The following APBB1IP variants were observed in gnomAD, a reference collection of about 807,000 sequenced individuals.
APBB1IP encodes the protein amyloid beta precursor protein binding family B member 1 interacting protein.
In APBB1IP, 27 loss-of-function variants were observed where a neutral mutation model predicts 64.9. That is an observed-to-expected ratio of 0.42 (90% confidence interval 0.31 to 0.57). APBB1IP has a LOEUF of 0.57. Among genes scored for constraint, APBB1IP ranks in the 20% least tolerant of loss-of-function variants. APBB1IP has a pLI of 0.20. For synonymous variants in APBB1IP, 392 were observed against 331.0 expected, an observed-to-expected ratio of 1.18 and a Z score of -2.00; for missense variants, 812 against 845.5, an observed-to-expected ratio of 0.96 and a Z score of 0.49.
At chr10:26,528,510 C>T (rs903273936) in intron 8 of APBB1IP, among the ~76,000 whole-genome samples, 6 of 152,204 alleles carry the variant, frequency 3.9e-5, no homozygotes, top group Admixed American at 1.3e-4. Flanking sequence ...TCCTGAAAAT[C>T]TCTAGACTGT....
At chr10:26,496,267 T>A in intron 3 of APBB1IP, 37 bp from the exon 4 acceptor site, 1 of 1,480,910 alleles carries the variant, frequency 6.8e-7, no homozygotes. Context: ...AATGTTTGTA[T>A]CATGAATAAC....
In APBB1IP at chr10:26,567,133, C is replaced by T; in HGVS notation, c.1646C>T (p.Pro549Leu). ...ACAGGCGGCGGGGGCTTGCCCGCCC[C>T]ACCCGACGACTTCCTGCCGCCGCCG... ...KGTGGGGLPA[P>L]PDDFLPPPPP... Residue 549 changes from proline (P) to leucine (L), a missense_variant, in exon 15 of 15, where the codon CCA becomes CTA. Around this residue, in one of 3 missense-constraint regions of APBB1IP, gnomAD observed 381 missense variants for 352.1 expected, o/e 1.08. Coordinates refer to ENST00000376236, the MANE Select transcript of APBB1IP (RefSeq NM_019043.4). 1.4e-6 allele frequency: 2 copies of T among 1,419,808 alleles called. No homozygotes were observed. Among genetic ancestry groups the T allele is most frequent in the South Asian group, 1.4e-5 (1 of 69,202 alleles). 88.0% of individuals were successfully genotyped at this position (1,419,808 alleles called of 1,614,324 possible).
At chr10:26,522,150 C>A (rs1427520018) in intron 8 of APBB1IP, among the ~76,000 whole-genome samples, 1 of 152,156 alleles carries the variant, frequency 6.6e-6, no homozygotes, top group African/African-American at 2.4e-5. Context: ...AGTTCCATGA[C>A]AATTTGATTC....
chr10:26,452,266 A>C (rs1835473820), intron 2 of APBB1IP, among the ~76,000 whole-genome samples: 1 of 152,234 alleles, frequency 6.6e-6, no homozygotes, highest in Non-Finnish European at 1.5e-5. Context: ...CGAGGAAACT[A>C]AGCTGAGAGA....
In APBB1IP at chr10:26,543,501, G is replaced by A. The variant is rs74517332; in HGVS notation, c.1155+1809G>A. Among the ~76,000 whole-genome samples, 581 of 149,292 alleles carry A rather than the reference G, an allele frequency of 3.9e-3. 5 individuals carry two copies. Among genetic ancestry groups the A allele is most frequent in the African/African-American group, 0.014 (555 of 40,944 alleles). ...AAAAGAAAAGAAAAAGAAAAAAAAT[G>A]TGTTGAATGACAACTATTGTTGAGT... On this transcript the variant is annotated intron_variant, in intron 11 of 14. Coordinates refer to ENST00000376236, the MANE Select transcript of APBB1IP (RefSeq NM_019043.4).
chr10:26,480,698 C>T (rs1251326867), intron 2 of APBB1IP, among the ~76,000 whole-genome samples: 2 of 134,932 alleles, frequency 1.5e-5, no homozygotes, highest in African/African-American at 5.8e-5. Flanking sequence ...AACTCCTGGG[C>T]TCAAGTGATC....
intron 2 of APBB1IP, among the ~76,000 whole-genome samples, chr10:26,481,037 G>A (rs1276200467): frequency 6.6e-6 from 1 of 151,956 alleles, no homozygotes. Context: ...TACAAAAGCA[G>A]TTCCCCATTC....
intron 11 of APBB1IP, among the ~76,000 whole-genome samples, chr10:26,555,979 G>T (rs1407400791): frequency 1.3e-5 from 2 of 152,164 alleles, no homozygotes; most frequent in Non-Finnish European, 2.9e-5. Context: ...CAGGACCTTG[G>T]TTCTTTCACT....
At chr10:26,473,912 G>A (rs1835747222) in intron 2 of APBB1IP, among the ~76,000 whole-genome samples, 1 of 147,642 alleles carries the variant, frequency 6.8e-6, no homozygotes, top group Admixed American at 6.9e-5. Context: ...TGAGGCATGA[G>A]AATTGCTTGA....
intron 6 of APBB1IP, among the ~76,000 whole-genome samples, chr10:26,507,154 T>C (rs1163942234): frequency 1.3e-5 from 2 of 151,986 alleles, no homozygotes; most frequent in Non-Finnish European, 2.9e-5. Context: ...GGAAACCATT[T>C]GAGGGTTTTA....
chr10:26,540,012 G>A (rs1453460176), intron 10 of APBB1IP, among the ~76,000 whole-genome samples: 1 of 152,250 alleles, frequency 6.6e-6, no homozygotes, highest in East Asian at 1.9e-4. Flanking sequence ...CAAACTGGGG[G>A]ACAATTTAGC....
At chr10:26,445,172 G>A (rs1175203637) in intron 2 of APBB1IP, among the ~76,000 whole-genome samples, 2 of 146,558 alleles carry the variant, frequency 1.4e-5, no homozygotes, top group Non-Finnish European at 3.0e-5. Context: ...AAGAAAGAAA[G>A]AAAGAAAGAA....
chr10:26,543,795 G>A (rs1836727556), intron 11 of APBB1IP, among the ~76,000 whole-genome samples: 1 of 152,106 alleles, frequency 6.6e-6, no homozygotes. Flanking sequence ...GACAAAAGAT[G>A]TGAATGAGGT....
At chr10:26,510,788 G>T (rs917001690) in intron 6 of APBB1IP, among the ~76,000 whole-genome samples, 2 of 148,462 alleles carry the variant, frequency 1.3e-5, no homozygotes, top group Non-Finnish European at 3.0e-5. Flanking sequence ...ATGAAAATTA[G>T]ATTTATCATG....
chr10:26,563,025 G>C (rs1048163760), intron 14 of APBB1IP, among the ~76,000 whole-genome samples: 6 of 152,114 alleles, frequency 3.9e-5, no homozygotes, highest in South Asian at 2.1e-4. Context: ...TGGTTTTCTT[G>C]GTTTAGTCAA....
chr10:26,539,999 G>A (rs552791551), intron 10 of APBB1IP, among the ~76,000 whole-genome samples: 7 of 152,106 alleles, frequency 4.6e-5, no homozygotes, highest in Non-Finnish European at 7.3e-5. Flanking sequence ...AAACTCATAC[G>A]GCCAAACTGG....
chr10:26,477,134 T>A (rs1835785550), intron 2 of APBB1IP, among the ~76,000 whole-genome samples: 1 of 152,190 alleles, frequency 6.6e-6, no homozygotes, highest in Non-Finnish European at 1.5e-5. Flanking sequence ...ACTTTGTTCA[T>A]TTTGCAGAAT....
At chr10:26,497,530 G>A (rs963611036) in intron 4 of APBB1IP, among the ~76,000 whole-genome samples, 14 of 151,668 alleles carry the variant, frequency 9.2e-5, no homozygotes, top group Middle Eastern at 3.4e-3. Context: ...CAACCTGGGC[G>A]GCAGAGCGAG....
At chr10:26,511,308 C>T (rs1168297818) in intron 6 of APBB1IP, among the ~76,000 whole-genome samples, 1 of 152,176 alleles carries the variant, frequency 6.6e-6, no homozygotes, top group Non-Finnish European at 1.5e-5. Context: ...CACGCCACTG[C>T]ACTCCAGCCT....
Sources: gnomAD v4.1 joint callset for allele counts (sites outside exome capture counted in the v4.1 genomes callset) on GRCh38, gnomAD v4.1.1 for gene constraint, gnomAD v4.1.1 regional missense constraint, MANE v1.5 for transcripts, NCBI Gene and HGNC (gene_info 2026-07-23, HGNC 2026-07-21) for gene names.